MAGI2: variants seen among roughly 807,000 people sequenced by gnomAD.
The protein encoded by MAGI2 is membrane associated guanylate kinase, WW and PDZ domain containing 2, also known as membrane-associated guanylate kinase, WW and PDZ domain-containing protein 2.
A neutral mutation model predicts 133.3 loss-of-function variants in MAGI2; 35 were observed. That is an observed-to-expected ratio of 0.26 (90% CI 0.20 to 0.35). The LOEUF (loss-of-function observed/expected upper bound fraction) is 0.35, where lower values mean the gene tolerates loss of function less well. Ranked by LOEUF, MAGI2 falls within the 10% of genes least tolerant of loss-of-function variation. The pLI is 1.00. For synonymous variants in MAGI2, 729 were observed against 710.6 expected, an observed-to-expected ratio of 1.03 and a Z score of -0.41; for missense variants, 1,636 against 1,863.4, an observed-to-expected ratio of 0.88 and a Z score of 2.25.
intron 1 of MAGI2, among the ~76,000 whole-genome samples, chr7:79,075,775 T>TA (rs1316222736): frequency 6.6e-6 from 1 of 151,980 alleles, no homozygotes; most frequent in Non-Finnish European, 1.5e-5. Context: ...ATAATATCAT[T>TA]AAAAATCTTG....
chr7:79,046,791 AATC>A (rs1224958865), intron 1 of MAGI2, among the ~76,000 whole-genome samples: 1 of 152,196 alleles, frequency 6.6e-6, no homozygotes, highest in Admixed American at 6.5e-5. Flanking sequence ...GTAAAATTCT[AATC>A]ATCATCTAAA....
intron 1 of MAGI2, among the ~76,000 whole-genome samples, chr7:79,117,727 A>C (rs937108778): frequency 2.0e-5 from 3 of 152,210 alleles, no homozygotes; most frequent in Non-Finnish European, 4.4e-5. Context: ...TACTTTGAAA[A>C]GAAAAAACAA....
intron 2 of MAGI2, among the ~76,000 whole-genome samples, chr7:78,725,305 T>TA (rs1554544674): frequency 1.3e-5 from 2 of 152,290 alleles, no homozygotes; most frequent in East Asian, 1.9e-4. Context: ...TTCTGAGCAC[T>TA]AAAAAAATTT....
At chr7:79,370,656 T>TTA (rs397966858) in intron 1 of MAGI2, among the ~76,000 whole-genome samples, 2 of 151,870 alleles carry the variant, frequency 1.3e-5, no homozygotes, top group African/African-American at 2.4e-5. Context: ...CTTTTTTTTT[T>TTA]ATGAACTAAT....
chr7:78,082,570 A>AG (rs1263486526), intron 20 of MAGI2, among the ~76,000 whole-genome samples: 1 of 152,040 alleles, frequency 6.6e-6, no homozygotes, highest in Non-Finnish European at 1.5e-5. Flanking sequence ...TCCCCATTCC[A>AG]GGGTATCAGT....
At chr7:79,252,789 T>C (rs979145743) in intron 1 of MAGI2, among the ~76,000 whole-genome samples, 16 of 152,232 alleles carry the variant, frequency 1.1e-4, no homozygotes, top group Non-Finnish European at 1.9e-4. Context: ...TGACTTAATA[T>C]TAAGAGACAA....
chr7:78,319,987 C>T (rs1035434698), intron 9 of MAGI2, among the ~76,000 whole-genome samples: 5 of 152,160 alleles, frequency 3.3e-5, no homozygotes, highest in Non-Finnish European at 7.3e-5. Flanking sequence ...TCAGAGAATA[C>T]TATAAACACC....
At chr7:78,335,844 T>C (rs1475520271) in intron 9 of MAGI2, among the ~76,000 whole-genome samples, 2 of 152,166 alleles carry the variant, frequency 1.3e-5, no homozygotes, top group Admixed American at 6.5e-5. Flanking sequence ...CTGGGCTCAG[T>C]GAACAAATGT....
At chr7:78,283,877 A>AT (rs1333089773) in intron 9 of MAGI2, among the ~76,000 whole-genome samples, 1 of 152,158 alleles carries the variant, frequency 6.6e-6, no homozygotes, top group African/African-American at 2.4e-5. Context: ...GTGAGCATGT[A>AT]TTCTATTTAA....
chr7:78,423,548 T>C (rs1798992521), intron 6 of MAGI2, among the ~76,000 whole-genome samples: 1 of 151,944 alleles, frequency 6.6e-6, no homozygotes, highest in Admixed American at 6.6e-5. Context: ...CAGGCAGAGG[T>C]TGGAACAGTT....
chr7:78,965,357 A>G (rs1164876106), intron 2 of MAGI2, among the ~76,000 whole-genome samples: 6 of 151,902 alleles, frequency 3.9e-5, no homozygotes, highest in African/African-American at 1.4e-4. Flanking sequence ...TATATTTCAG[A>G]AAGATCTTAT....
intron 6 of MAGI2, among the ~76,000 whole-genome samples, chr7:78,374,412 T>C (rs1167676417): frequency 6.6e-6 from 1 of 152,176 alleles, no homozygotes; most frequent in African/African-American, 2.4e-5. Context: ...TAAAGTTATT[T>C]GTTTTTTGCT....
intron 2 of MAGI2, among the ~76,000 whole-genome samples, chr7:79,002,468 A>C (rs1177509835): frequency 6.6e-6 from 1 of 152,150 alleles, no homozygotes; most frequent in Non-Finnish European, 1.5e-5. Context: ...ATGAGCATAC[A>C]CATGCATGCA....
At chr7:78,449,796 G>A (rs1202465294) in intron 6 of MAGI2, among the ~76,000 whole-genome samples, 3 of 151,932 alleles carry the variant, frequency 2.0e-5, no homozygotes, top group Non-Finnish European at 4.4e-5. Flanking sequence ...TCACTTAACC[G>A]AGACTTTCAG....
intron 1 of MAGI2, among the ~76,000 whole-genome samples, chr7:79,371,091 G>A (rs1026348860): frequency 1.3e-5 from 2 of 152,030 alleles, no homozygotes; most frequent in Non-Finnish European, 2.9e-5. Context: ...TTTTAAGGAA[G>A]TCTTCCCCGA....
At chr7:79,211,956 TG>T (rs1209781693) in intron 1 of MAGI2, among the ~76,000 whole-genome samples, 1 of 151,972 alleles carries the variant, frequency 6.6e-6, no homozygotes, top group Non-Finnish European at 1.5e-5. Flanking sequence ...ACCTGTGCAT[TG>T]CAAAATTTTC....
intron 1 of MAGI2, among the ~76,000 whole-genome samples, chr7:79,037,641 C>A (rs1486775102): frequency 6.6e-6 from 1 of 152,034 alleles, no homozygotes. Flanking sequence ...TGATAAAGCC[C>A]TAATCATCAA....
At chr7:78,247,637 AT>A (rs1266041157) in intron 10 of MAGI2, among the ~76,000 whole-genome samples, 2 of 152,196 alleles carry the variant, frequency 1.3e-5, no homozygotes, top group African/African-American at 4.8e-5. Context: ...GAGCTGAAGA[AT>A]TTCATGAATG....
intron 1 of MAGI2, among the ~76,000 whole-genome samples, chr7:79,239,068 T>TA (rs1381948414): frequency 4.6e-5 from 7 of 152,160 alleles, no homozygotes; most frequent in Admixed American, 3.9e-4. Flanking sequence ...AAATCTCACA[T>TA]ACACCTGACA....
Sources: gnomAD v4.1 joint callset for allele counts (sites outside exome capture counted in the v4.1 genomes callset) on GRCh38, gnomAD v4.1.1 for gene constraint, MANE v1.5 for transcripts, NCBI Gene and HGNC (gene_info 2026-07-23, HGNC 2026-07-21) for gene names.